GPA33: variants seen among roughly 807,000 people sequenced by gnomAD.
GPA33 encodes the protein glycoprotein A33, also known as cell surface A33 antigen.
GPA33 carries 27 observed loss-of-function variants against 35.6 expected under a neutral mutation model. The observed-to-expected ratio is 0.76, with a 90% CI of 0.56 to 1.04. The LOEUF is 1.04. GPA33 is among the 50% of genes least tolerant of loss of function. GPA33 has a pLI of 0.00. For synonymous variants in GPA33, 176 were observed against 164.0 expected (o/e 1.07, Z -0.56); for missense variants, 428 against 411.9 (o/e 1.04, Z -0.34).
Position 167,073,386 on chromosome 1 carries a change from G to A in GPA33, c.197C>T (p.Thr66Met), listed in dbSNP as rs775151573. 2.9e-5 allele frequency: 46 copies of A among 1,612,450 alleles called. No individual in the cohort carries two copies. The highest frequency in any genetic ancestry group is 5.3e-5 in the African/African-American group (4 of 74,848). ...CCTGAACTTGTAAAGTATCCTTACC[G>A]TATGAGTGAGGAGGAGCTTATCCCA... Reference protein sequence around the residue: ...IQWDKLLLTHTERVVIWPFSN... With the variant: ...IQWDKLLLTHMERVVIWPFSN... The change falls in exon 2 of 7, where the codon ACG (threonine) becomes ATG (methionine). Residue 66 changes from threonine to methionine, a missense_variant and splice_region_variant. Thr to Met is a moderately conservative substitution (Grantham distance 81, BLOSUM62 -1). Coordinates refer to ENST00000367868, the MANE Select transcript of GPA33 (RefSeq NM_005814.3).
chr1:167,069,901 T>A (rs566090394), intron 2 of GPA33, among the ~76,000 whole-genome samples: 3 of 152,244 alleles, frequency 2.0e-5, no homozygotes, highest in Non-Finnish European at 4.4e-5. Flanking sequence ...ACTGAGCATC[T>A]ACTAGGTGTC....
Position 167,073,436 on chromosome 1 carries a change from G to T in GPA33, c.147C>A (p.Thr49=), listed in dbSNP as rs373147203. The part of the protein sequence containing the change: ...VTLPCTYHTS[T]SSREGLIQWD... ...ATTGAATAAGTCCCTCTCGACTGGA[G>T]GTGGAAGTGTGGTAGGTGCAGGGCA... Residue 49 remains threonine, a synonymous_variant, in exon 2 of 7, where the codon ACC becomes ACA. Coordinates refer to ENST00000367868, the MANE Select transcript of GPA33 (RefSeq NM_005814.3). 5.0e-6 allele frequency: 8 copies of T among 1,613,592 alleles called. No homozygotes were observed. Among genetic ancestry groups the T allele is most frequent in the Non-Finnish European group, 6.8e-6 (8 of 1,179,690 alleles).
rs200961071 is a variant in GPA33, at chr1:167,063,611, A to G, written c.542T>C (p.Leu181Pro). The G allele has an allele frequency of 1.3e-4, 208 of 1,611,270 alleles. No homozygotes were observed. In the Admixed American group the frequency reaches 3.4e-3, roughly 27 times the overall value. The stretch of plus-strand genomic sequence containing the variant: ...CTGGGCCAGGGGCTGCTCCTGATTC[A>G]GGATGTTGTACCTCTTCCAGCTGTA... ...PQYSWKRYNI[L>P]NQEQPLAQPA... The change falls in exon 4 of 7, where the codon CTG becomes CCG. Residue 181 changes from leucine (L) to proline (P), a missense_variant. Transcript: ENST00000367868.
At chr1:167,055,665 C>A in intron 5 of GPA33, 65 bp downstream of exon 5, 1 of 1,590,442 alleles carries the variant, frequency 6.3e-7, no homozygotes, top group Admixed American at 1.7e-5. Context: ...TCTCAGCTGA[C>A]TTTCTGGACC....
intron 1 of GPA33, among the ~76,000 whole-genome samples, chr1:167,075,933 C>T (rs1666813734): frequency 6.6e-6 from 1 of 152,074 alleles, no homozygotes; most frequent in Non-Finnish European, 1.5e-5. Flanking sequence ...CAACCAGGGA[C>T]CTGAGGGCAG....
At chr1:167,083,940 T>C (rs994073071) in intron 1 of GPA33, among the ~76,000 whole-genome samples, 2 of 151,756 alleles carry the variant, frequency 1.3e-5, no homozygotes, top group African/African-American at 4.8e-5. Flanking sequence ...AAAAACAGCA[T>C]CCTTGTCTCA....
intron 4 of GPA33, among the ~76,000 whole-genome samples, chr1:167,056,420 GTA>G (rs2102164759): frequency 6.6e-6 from 1 of 151,734 alleles, no homozygotes; most frequent in East Asian, 1.9e-4. Context: ...TGTGTGGGGT[GTA>G]TGTGTGTGTG....
intron 2 of GPA33, among the ~76,000 whole-genome samples, chr1:167,071,390 G>T (rs1239135844): frequency 1.3e-5 from 2 of 152,240 alleles, no homozygotes; most frequent in Non-Finnish European, 2.9e-5. Flanking sequence ...GATGGACAGA[G>T]AATGTGGAGA....
chr1:167,084,788 C>T (rs1667018378), intron 1 of GPA33, among the ~76,000 whole-genome samples: 1 of 152,180 alleles, frequency 6.6e-6, no homozygotes, highest in Non-Finnish European at 1.5e-5. Flanking sequence ...GCTGTCCCTG[C>T]CAAACACCAT....
rs1291229107 is a variant in GPA33, at chr1:167,087,917, C to A, written c.43+2328G>T. On this transcript the variant is annotated intron_variant, in intron 1 of 6. Transcript: ENST00000367868. ...AGCAAGCCAGACTCTGTCTCACACACACACACACACACACAAAGCAGACCA... is the reference window on the plus strand; with the variant it reads ...AGCAAGCCAGACTCTGTCTCACACAAACACACACACACACAAAGCAGACCA... Among the ~76,000 whole-genome samples the A allele has an allele frequency of 2.0e-5, 3 of 151,916 alleles. No homozygotes were observed. The East Asian group carries it at 5.8e-4, about 29-fold the overall frequency.
chr1:167,077,467 G>C lies in GPA33; in HGVS notation c.44-3928C>G, dbSNP rs570783245. Among the ~76,000 whole-genome samples the C allele has an allele frequency of 2.0e-5, 3 of 152,204 alleles. No homozygotes were observed. In the East Asian group the frequency reaches 5.8e-4, roughly 29 times the overall value. On this transcript the variant is annotated intron_variant, in intron 1 of 6. Transcript: ENST00000367868. ...CTGTCCTCACGGTGACCACTCTTGG[G>C]CCTCTCCATGAACTTTACACTGATT... is the stretch of plus-strand genomic sequence containing the variant.
chr1:167,066,397 C>T (rs997392084), intron 3 of GPA33, among the ~76,000 whole-genome samples: 8 of 152,190 alleles, frequency 5.3e-5, no homozygotes, highest in Admixed American at 4.6e-4. Context: ...TCTCCAGAGG[C>T]AGAGGTACAG....
At chr1:167,074,997 G>A (rs1666796402) in intron 1 of GPA33, among the ~76,000 whole-genome samples, 1 of 150,826 alleles carries the variant, frequency 6.6e-6, no homozygotes, top group Admixed American at 6.6e-5. Context: ...CTCCCGCCAG[G>A]TTCAAGTGAT....
intron 4 of GPA33, among the ~76,000 whole-genome samples, chr1:167,061,184 C>G (rs1005981797): frequency 6.6e-6 from 1 of 152,218 alleles, no homozygotes; most frequent in Non-Finnish European, 1.5e-5. Context: ...ATGCTCTTAA[C>G]CACTGTCGAC....
In GPA33 at chr1:167,053,912, G is replaced by T. The variant is rs55881654; in HGVS notation, c.*422C>A. On this transcript the variant is annotated 3_prime_UTR_variant, in exon 7 of 7. Coordinates refer to ENST00000367868, the MANE Select transcript of GPA33 (RefSeq NM_005814.3). ...TGTGTGGAGTGCAAACCCTCCACCT[G>T]GTGCCCCTCCAGGTGCTGGGCACAC... 8 of 179,810 alleles carry T rather than the reference G, an allele frequency of 4.4e-5. No homozygotes were observed. Among genetic ancestry groups the T allele is most frequent in the Middle Eastern group, 2.5e-3 (1 of 398 alleles). 11.1% of individuals were successfully genotyped at this position (179,810 alleles called of 1,614,324 possible).
At chr1:167,063,492 A>C (rs1326235947) in intron 4 of GPA33, 90 bp downstream of exon 4, 8 of 1,194,602 alleles carry the variant, frequency 6.7e-6, no homozygotes, top group Non-Finnish European at 9.5e-6. Context: ...GGGGGATCTG[A>C]TCGGTCAACC....
chr1:167,061,453 G>A lies in GPA33; in HGVS notation c.571+2129C>T, dbSNP rs539749402. Among the ~76,000 whole-genome samples the A allele has an allele frequency of 1.8e-3, 273 of 152,082 alleles. 1 individual carries two copies. The highest frequency in any genetic ancestry group is 6.2e-3 in the African/African-American group (255 of 41,460). On this transcript the variant is annotated intron_variant, in intron 4 of 6. Coordinates refer to ENST00000367868, the MANE Select transcript of GPA33 (RefSeq NM_005814.3). ...CAGAGCCCCCGGGGAGCTGCCAGGT[G>A]GTTTCAACAAAAATTCCAGACACAC... is the stretch of plus-strand genomic sequence containing the variant.
chr1:167,073,558 G>A lies in GPA33; in HGVS notation c.44-19C>T. The stretch of plus-strand genomic sequence containing the variant: ...ACCCTGACTGGAAAGAAAGTAGGCA[G>A]TGGAAGGGAAAAGTAAGCGACACGG... On this transcript the variant is annotated intron_variant, in intron 1 of 6. Coordinates refer to ENST00000367868, the MANE Select transcript of GPA33 (RefSeq NM_005814.3). 2 of 1,610,590 alleles carry A rather than the reference G, an allele frequency of 1.2e-6. No individual in the cohort carries two copies. Among genetic ancestry groups the A allele is most frequent in the Non-Finnish European group, 8.5e-7 (1 of 1,177,784 alleles).
At chr1:167,056,716 G>GA (rs1666288434) in intron 4 of GPA33, among the ~76,000 whole-genome samples, 3 of 5,618 alleles carry the variant, frequency 5.3e-4, no homozygotes, top group South Asian at 5.0e-3. Flanking sequence ...TGTAGTGTGT[G>GA]TGTAGTGTGT....
Sources: gnomAD v4.1 joint callset for allele counts (sites outside exome capture counted in the v4.1 genomes callset) on GRCh38, gnomAD v4.1.1 for gene constraint, MANE v1.5 for transcripts, NCBI Gene and HGNC (gene_info 2026-07-23, HGNC 2026-07-21) for gene names.